AGR2: variants seen among roughly 807,000 people sequenced by gnomAD.
The protein encoded by AGR2 is anterior gradient protein 2 homolog.
A neutral mutation model predicts 25.9 loss-of-function variants in AGR2; 27 were observed. The ratio of observed to expected loss-of-function variants is 1.04; its 90% CI spans 0.77 to 1.44. The LOEUF is 1.44. AGR2 is among the 40% of genes most tolerant of loss of function. AGR2 has a pLI of 0.00. For missense variants in AGR2, 182 were observed against 200.9 expected, an observed-to-expected ratio of 0.91 and a Z score of 0.57; for synonymous variants, 78 against 72.0, an observed-to-expected ratio of 1.08 and a Z score of -0.42.
At chr7:16,796,932 T>C (rs1389709514) in intron 6 of AGR2, among the ~76,000 whole-genome samples, 1 of 152,072 alleles carries the variant, frequency 6.6e-6, no homozygotes, top group East Asian at 1.9e-4. Context: ...TATTCCTTTT[T>C]TTTTTTTGAG....
chr7:16,802,275 A>G (rs890840560), intron 1 of AGR2, among the ~76,000 whole-genome samples: 6 of 152,230 alleles, frequency 3.9e-5, no homozygotes, highest in Non-Finnish European at 1.5e-5. Flanking sequence ...TATCATAGAT[A>G]TGTATGCATA....
Position 16,795,020 on chromosome 7 carries a change from C to A in AGR2, c.395-1G>T. ...TCGGCTCTAACTGTCAGAGATGGGT[C>A]TGCAAAGATAAATGAAGCAAAAGGG... On this transcript the variant is annotated splice_acceptor_variant, in intron 6 of 7. Coordinates refer to ENST00000419304, the MANE Select transcript of AGR2 (RefSeq NM_006408.4). LOFTEE classifies it high-confidence loss of function. 1 of 1,614,034 alleles carries A rather than the reference C, an allele frequency of 6.2e-7. No homozygotes were observed. Among genetic ancestry groups the A allele is most frequent in the South Asian group, 1.1e-5 (1 of 91,068 alleles).
At position 16,792,671 on chromosome 7, in the gene AGR2, A is replaced by ATT; in HGVS notation, c.*235_*236dup. On this transcript the variant is annotated 3_prime_UTR_variant, in exon 8 of 8. Transcript: ENST00000419304. ...AAAACAGAACACCCCCAAAACATTT[A>ATT]TTTTTTTTTTTAGAAAATCATGGCT... 1.1e-4 allele frequency: 44 copies of ATT among 418,722 alleles called. No homozygotes were observed. Among genetic ancestry groups the ATT allele is most frequent in the East Asian group, 1.6e-4 (4 of 25,462 alleles). 25.9% of individuals were successfully genotyped at this position (418,722 alleles called of 1,614,324 possible). A position where few individuals can be genotyped will look rare whatever the true frequency, so the allele number is the denominator to read the frequency against.
At chr7:16,799,893 G>T (rs1785113002) in intron 4 of AGR2, 76 bp from the exon 5 acceptor site, 3 of 1,016,416 alleles carry the variant, frequency 3.0e-6, no homozygotes, top group Middle Eastern at 2.7e-4. Context: ...CAGTTAAATT[G>T]CATTTTATTT....
intron 7 of AGR2, 64 bp downstream of exon 7, chr7:16,794,872 C>G (rs1785017808): frequency 6.2e-7 from 1 of 1,609,612 alleles, no homozygotes; most frequent in Non-Finnish European, 8.5e-7. Context: ...GCCTCTAGTC[C>G]CATCACTACA....
intron 5 of AGR2, among the ~76,000 whole-genome samples, 193 bp from the exon 6 acceptor site, chr7:16,797,887 G>C (rs931706807): frequency 5.3e-5 from 8 of 152,166 alleles, no homozygotes; most frequent in Non-Finnish European, 1.0e-4. Context: ...CAGAACATGA[G>C]ATAAAGTGCT....
chr7:16,804,164 C>T (rs1233254263), intron 1 of AGR2, among the ~76,000 whole-genome samples: 1 of 151,706 alleles, frequency 6.6e-6, no homozygotes, highest in South Asian at 2.1e-4. Context: ...ACTGAGTTTT[C>T]GTAATGTGAA....
intron 6 of AGR2, among the ~76,000 whole-genome samples, chr7:16,795,384 G>A (rs1176812570): frequency 1.3e-5 from 2 of 149,588 alleles, no homozygotes; most frequent in Non-Finnish European, 3.0e-5. Flanking sequence ...TTCTTGAAAC[G>A]ATTATGTTGT....
At position 16,791,913 on chromosome 7, in the gene AGR2, G is replaced by T. The variant is rs15504; in HGVS notation, c.*995C>A. ...ATAGTCCAGGGGCCAAAGAAATCAG[G>T]AGGGGCTGGGCAGTAGAGGAATTCC... On this transcript the variant is annotated 3_prime_UTR_variant, in exon 8 of 8. Transcript: ENST00000419304. 21,839 of 152,192 alleles carry T rather than the reference G, an allele frequency of 0.14. 3,328 individuals are homozygous for T. Among genetic ancestry groups the T allele is most frequent in the African/African-American group, 0.38 (15,812 of 41,422 alleles). The allele number at this position is 152,192 out of a possible 1,614,324, so 9.4% of individuals were successfully genotyped here. A position where few individuals can be genotyped will look rare whatever the true frequency, so the allele number is the denominator to read the frequency against.
At chr7:16,797,820 G>A (rs1165914576) in intron 5 of AGR2, 126 bp from the exon 6 acceptor site, 13 of 694,414 alleles carry the variant, frequency 1.9e-5, no homozygotes, top group Non-Finnish European at 3.2e-5. Flanking sequence ...TCCACACAGA[G>A]TTTATTGTAC....
At chr7:16,802,106 G>T (rs34114714) in intron 1 of AGR2, among the ~76,000 whole-genome samples, 1 of 151,518 alleles carries the variant, frequency 6.6e-6, no homozygotes, top group African/African-American at 2.4e-5. Flanking sequence ...AGCTAACCAC[G>T]GTCAACCGCG....
intron 7 of AGR2, chr7:16,794,689 G>A (rs1785014228): frequency 4.0e-6 from 4 of 1,011,922 alleles, no homozygotes; most frequent in Non-Finnish European, 5.6e-6. Flanking sequence ...TGTGGTCATA[G>A]AATCCTCCTA....
intron 5 of AGR2, among the ~76,000 whole-genome samples, chr7:16,798,219 G>C (rs926399387): frequency 6.6e-6 from 1 of 152,218 alleles, no homozygotes. Flanking sequence ...TTTGGTGATT[G>C]CCTTGAGCAA....
In AGR2 at chr7:16,795,044, G is replaced by A. The variant is rs747015911; in HGVS notation, c.395-25C>T. 8.1e-6 allele frequency: 13 copies of A among 1,612,172 alleles called. No individual in the cohort carries two copies. The South Asian group carries it at 1.3e-4, about 16-fold the overall frequency. On this transcript the variant is annotated intron_variant, in intron 6 of 7. Coordinates refer to ENST00000419304, the MANE Select transcript of AGR2 (RefSeq NM_006408.4). ...TCTGCAAAGATAAATGAAGCAAAAG[G>A]GAATGGAATGGTTTGTTTTCAAACA...
rs923167426 is a variant in AGR2 at position 16,799,932 on chromosome 7, A to G, written c.257-115T>C. 1.1e-5 allele frequency: 8 copies of G among 724,598 alleles called. No homozygotes were observed. In the African/African-American group the frequency reaches 1.2e-4, roughly 11 times the overall value. The allele number at this position is 724,598 out of a possible 1,614,324, so 44.9% of individuals were successfully genotyped here. On this transcript the variant is annotated intron_variant, in intron 4 of 7. Coordinates refer to ENST00000419304, the MANE Select transcript of AGR2 (RefSeq NM_006408.4). ...TATTGAATTGCATTTTAAATACAGT[A>G]TTCTACTTTGGCCTTTTAGCAAATG... is the stretch of plus-strand genomic sequence containing the variant.
intron 6 of AGR2, among the ~76,000 whole-genome samples, chr7:16,797,384 GTAT>G (rs1785065197): frequency 6.6e-6 from 1 of 152,186 alleles, no homozygotes; most frequent in Non-Finnish European, 1.5e-5. Context: ...GTTCTCAGAA[GTAT>G]TATAGCAGAA....
At chr7:16,800,798 C>A (rs1052479164) in intron 4 of AGR2, among the ~76,000 whole-genome samples, 13 of 152,244 alleles carry the variant, frequency 8.5e-5, no homozygotes, top group Admixed American at 2.0e-4. Flanking sequence ...AGTTTGGGAA[C>A]CTTCTAAGCT....
Position 16,794,656 on chromosome 7 carries a change from C to A in AGR2, c.478+280G>T, listed in dbSNP as rs373762944. ...AAGGAGTGTGTGCTCGTGTACCTAACAGAAAACCTGAAAATCAGGTAATGT... is the reference window on the plus strand; with the variant it reads ...AAGGAGTGTGTGCTCGTGTACCTAAAAGAAAACCTGAAAATCAGGTAATGT... On this transcript the variant is annotated intron_variant, in intron 7 of 7. Coordinates refer to ENST00000419304, the MANE Select transcript of AGR2 (RefSeq NM_006408.4). 2.4e-5 allele frequency: 17 copies of A among 697,032 alleles called. No individual in the cohort carries two copies. The South Asian group carries it at 3.9e-4, about 16-fold the overall frequency. 43.2% of individuals were successfully genotyped at this position (697,032 alleles called of 1,614,324 possible). A position where few individuals can be genotyped will look rare whatever the true frequency, so the allele number is the denominator to read the frequency against.
chr7:16,801,263 T>A, intron 3 of AGR2, 57 bp downstream of exon 3: 1 of 1,607,680 alleles, frequency 6.2e-7, no homozygotes, highest in Non-Finnish European at 8.5e-7. Flanking sequence ...TATCTAGATG[T>A]CACTAGGTGG....
Sources: gnomAD v4.1 joint callset for allele counts (sites outside exome capture counted in the v4.1 genomes callset) on GRCh38, gnomAD v4.1.1 for gene constraint, MANE v1.5 for transcripts, NCBI Gene and HGNC (gene_info 2026-07-23, HGNC 2026-07-21) for gene names.